THADA: variants seen among roughly 807,000 people sequenced by gnomAD.
THADA encodes the protein tRNA (32-2'-O)-methyltransferase regulator THADA.
A neutral mutation model predicts 219.8 loss-of-function variants in THADA; 213 were observed. That is an observed-to-expected ratio of 0.97 (90% CI 0.87 to 1.09). The LOEUF is 1.09. Ranked by LOEUF, THADA falls within the 50% of genes least tolerant of loss-of-function variation. The pLI is 0.00. For missense variants in THADA, 2,956 were observed against 2,311.3 expected, an observed-to-expected ratio of 1.28 and a Z score of -5.72; for synonymous variants, 1,018 against 828.9, an observed-to-expected ratio of 1.23 and a Z score of -3.92.
At chr2:43,504,534 A>G (rs1216359225) in intron 24 of THADA, among the ~76,000 whole-genome samples, 1 of 152,218 alleles carries the variant, frequency 6.6e-6, no homozygotes, top group Non-Finnish European at 1.5e-5. Flanking sequence ...TGTAAACTTC[A>G]GCTCTCAATC....
intron 30 of THADA, among the ~76,000 whole-genome samples, chr2:43,336,082 G>T (rs1421825714): frequency 2.0e-5 from 3 of 150,600 alleles, no homozygotes; most frequent in Admixed American, 6.6e-5. Context: ...GGGTGACAGA[G>T]TGAGACTCCA....
intron 30 of THADA, among the ~76,000 whole-genome samples, chr2:43,340,257 G>A (rs1193800227): frequency 6.6e-6 from 1 of 152,210 alleles, no homozygotes; most frequent in African/African-American, 2.4e-5. Flanking sequence ...GCCTGTAAGA[G>A]CAGAAGCCCA....
chr2:43,397,161 A>G (rs1217748579), intron 29 of THADA, among the ~76,000 whole-genome samples: 1 of 152,088 alleles, frequency 6.6e-6, no homozygotes, highest in Admixed American at 6.5e-5. Flanking sequence ...CACTCCACAC[A>G]CTGCCTGCCA....
chr2:43,593,998 G>C (rs1458122377), intron 1 of THADA, among the ~76,000 whole-genome samples: 1 of 152,116 alleles, frequency 6.6e-6, no homozygotes, highest in Non-Finnish European at 1.5e-5. Flanking sequence ...ACAGATTCCA[G>C]ATCAATACAA....
intron 31 of THADA, among the ~76,000 whole-genome samples, chr2:43,305,969 CCT>C (rs1676812208): frequency 6.7e-6 from 1 of 148,346 alleles, no homozygotes; most frequent in African/African-American, 2.5e-5. Context: ...TCCCTCCCTC[CCT>C]TCTCTCTCTC....
intron 22 of THADA, among the ~76,000 whole-genome samples, chr2:43,510,383 C>G (rs139128709): frequency 3.9e-5 from 6 of 152,020 alleles, no homozygotes; most frequent in African/African-American, 1.4e-4. Context: ...CAAATACACA[C>G]GTTTATGTGT....
At chr2:43,383,497 A>G (rs1672276930) in intron 29 of THADA, among the ~76,000 whole-genome samples, 1 of 152,224 alleles carries the variant, frequency 6.6e-6, no homozygotes, top group Non-Finnish European at 1.5e-5. Context: ...AGGCATAACC[A>G]ATCACCGAAT....
intron 4 of THADA, among the ~76,000 whole-genome samples, chr2:43,587,557 C>T (rs888300288): frequency 1.3e-5 from 2 of 152,132 alleles, no homozygotes; most frequent in Non-Finnish European, 2.9e-5. Flanking sequence ...CAAATATACC[C>T]AGCAATCACT....
At chr2:43,575,096 T>A (rs931233301) in intron 10 of THADA, 69 bp from the exon 11 acceptor site, 10 of 1,172,748 alleles carry the variant, frequency 8.5e-6, no homozygotes, top group Non-Finnish European at 1.2e-5. Flanking sequence ...TTTATAACAA[T>A]TTAGACTTTA....
At chr2:43,415,085 C>A (rs1299688911) in intron 28 of THADA, among the ~76,000 whole-genome samples, 2 of 152,138 alleles carry the variant, frequency 1.3e-5, no homozygotes, top group African/African-American at 4.8e-5. Flanking sequence ...TTCTCCCCAA[C>A]GTATTCTATT....
intron 31 of THADA, among the ~76,000 whole-genome samples, chr2:43,301,235 C>T (rs1219206764): frequency 2.0e-5 from 3 of 152,192 alleles, no homozygotes; most frequent in East Asian, 1.9e-4. Context: ...ATGATTCCAG[C>T]GCAGGACTTC....
intron 30 of THADA, among the ~76,000 whole-genome samples, chr2:43,322,337 C>A (rs13021181): frequency 6.6e-6 from 1 of 151,884 alleles, no homozygotes; most frequent in Non-Finnish European, 1.5e-5. Flanking sequence ...AACCCCATCT[C>A]TACTAAAAAC....
intron 12 of THADA, 127 bp downstream of exon 12, chr2:43,572,687 G>C (rs1425619092): frequency 2.7e-6 from 2 of 741,340 alleles, no homozygotes; most frequent in Non-Finnish European, 2.0e-6. Context: ...GGAGACTAGG[G>C]TTTCTACTCA....
chr2:43,351,937 G>C (rs902420442), intron 29 of THADA, among the ~76,000 whole-genome samples: 2 of 152,212 alleles, frequency 1.3e-5, no homozygotes, highest in African/African-American at 2.4e-5. Flanking sequence ...CAAGCTGTTC[G>C]TAAGGGCAAG....
Position 43,457,081 on chromosome 2 carries a change from T to C in THADA, c.3837-26779A>G, listed in dbSNP as rs56880258. Reference sequence around the variant, plus strand: ...GTGCCAAAGGCCAGGAAGACAGCTATGAAGTGGGATAGAATGTTCCACATC... The same window carrying C: ...GTGCCAAAGGCCAGGAAGACAGCTACGAAGTGGGATAGAATGTTCCACATC... On this transcript the variant is annotated intron_variant, in intron 26 of 37. Transcript: ENST00000405975. Among the ~76,000 whole-genome samples the C allele has an allele frequency of 7.0e-3, 1,061 of 151,432 alleles. 15 individuals carry two copies. The highest frequency in any genetic ancestry group is 0.025 in the African/African-American group (1,012 of 41,268).
At chr2:43,323,722 C>T (rs1679010222) in intron 30 of THADA, among the ~76,000 whole-genome samples, 1 of 152,032 alleles carries the variant, frequency 6.6e-6, no homozygotes, top group African/African-American at 2.4e-5. Flanking sequence ...AGGAGTTAAC[C>T]CAAAAAACCA....
At position 43,570,528 on chromosome 2, in the gene THADA, A is replaced by C. The variant is rs1364560616; in HGVS notation, c.2065-18T>G. ...CAAAACAACTTTTGAAACAAAGGAA[A>C]TGAAGCACAGGTGAGCCACACATTA... On this transcript the variant is annotated intron_variant, in intron 13 of 37. Transcript: ENST00000405975. 1 of 1,602,162 alleles carries C rather than the reference A, an allele frequency of 6.2e-7. No individual in the cohort carries two copies. Among genetic ancestry groups the C allele is most frequent in the Non-Finnish European group, 8.5e-7 (1 of 1,176,454 alleles).
intron 29 of THADA, among the ~76,000 whole-genome samples, chr2:43,373,241 A>G (rs1671007194): frequency 6.6e-6 from 1 of 152,212 alleles, no homozygotes; most frequent in Admixed American, 6.5e-5. Flanking sequence ...AATACAATAT[A>G]TAACACACAG....
intron 29 of THADA, among the ~76,000 whole-genome samples, chr2:43,349,245 G>T (rs1382273974): frequency 2.6e-5 from 4 of 152,130 alleles, no homozygotes; most frequent in African/African-American, 9.7e-5. Flanking sequence ...AAGCCTTAAT[G>T]AAAGTTTGAG....
Sources: allele counts gnomAD v4.1 joint callset (sites outside exome capture counted in the v4.1 genomes callset), GRCh38; gene constraint gnomAD v4.1.1; transcripts MANE v1.5; gene names NCBI Gene and HGNC (gene_info 2026-07-23, HGNC 2026-07-21).